GLYR1: variants seen among roughly 807,000 people sequenced by gnomAD.
The protein encoded by GLYR1 is cytokine-like nuclear factor N-PAC.
GLYR1 carries 21 observed loss-of-function variants against 72.7 expected under a neutral mutation model. The ratio of observed to expected loss-of-function variants is 0.29; its 90% confidence interval spans 0.20 to 0.42. GLYR1 has a LOEUF of 0.42. Among genes scored for constraint, GLYR1 ranks in the 10% least tolerant of loss-of-function variants. The pLI is 1.00. For synonymous variants in GLYR1, 392 were observed against 270.2 expected (o/e 1.45, Z -4.42); for missense variants, 594 against 712.1 (o/e 0.83, Z 1.89).
intron 6 of GLYR1, 88 bp from the exon 7 acceptor site, chr16:4,823,019 G>GC (rs1464734688): frequency 9.5e-7 from 1 of 1,047,556 alleles, no homozygotes; most frequent in African/African-American, 1.6e-5. Context: ...TCCTCTGGCT[G>GC]CAACACCTCT....
In GLYR1 at chr16:4,811,657, C is replaced by T. The variant is rs368646886; in HGVS notation, c.1428G>A (p.Gln476=). The part of the protein sequence containing the change: ...QTLLDILNQG[Q]LASIFLDQKC... ...TCTGGTCCAGGAAGATGCTGGCCAA[C>T]TGTCCCTGATTGAGGATGTCCAAGA... Residue 476 remains glutamine (Q), a synonymous_variant, in exon 14 of 16, where the codon CAG becomes CAA. Transcript: ENST00000321919. 25 of 1,614,074 alleles carry T rather than the reference C, an allele frequency of 1.5e-5. 1 individual carries two copies. The South Asian group carries it at 2.4e-4, about 16-fold the overall frequency.
Position 4,805,125 on chromosome 16 carries a change from G to GA in GLYR1, c.*110dup. 1.2e-6 allele frequency: 1 copy of GA among 863,560 alleles called. No homozygotes were observed. The highest frequency in any genetic ancestry group is 1.9e-6 in the Non-Finnish European group (1 of 516,076). 53.5% of individuals were successfully genotyped at this position (863,560 alleles called of 1,614,324 possible). ...GCAAGTCTCAAAGTCTGTATAAAAG[G>GA]AAATGGAGATAGGTGGGCTGGTCCA... On this transcript the variant is annotated 3_prime_UTR_variant, in exon 16 of 16. Transcript: ENST00000321919.
chr16:4,823,986 G>A lies in GLYR1; in HGVS notation c.538-79C>T, dbSNP rs188555979. On this transcript the variant is annotated intron_variant, in intron 5 of 15. Coordinates refer to ENST00000321919, the MANE Select transcript of GLYR1 (RefSeq NM_032569.4). The stretch of plus-strand genomic sequence containing the variant: ...CCCTTGCAAGCTCCACAGTCTAAGG[G>A]AAAGTTCAAGCCAATCCCCAACCAC... 7.4e-3 allele frequency: 8,699 copies of A among 1,178,864 alleles called. 74 individuals carry two copies. Among genetic ancestry groups the A allele is most frequent in the Non-Finnish European group, 7.3e-3 (5,806 of 795,128 alleles). The allele number at this position is 1,178,864 out of a possible 1,614,324, so 73.0% of individuals were successfully genotyped here.
intron 15 of GLYR1, among the ~76,000 whole-genome samples, chr16:4,809,418 C>G (rs772306215): frequency 6.6e-6 from 1 of 150,982 alleles, no homozygotes; most frequent in African/African-American, 2.4e-5. Context: ...TGAGACCATC[C>G]TGGCTAACAC....
intron 14 of GLYR1, 42 bp from the exon 15 acceptor site, chr16:4,811,336 G>A: frequency 6.2e-7 from 1 of 1,609,910 alleles, no homozygotes; most frequent in Admixed American, 1.7e-5. Flanking sequence ...CCAAGGACCT[G>A]AAACTAAAAA....
intron 3 of GLYR1, among the ~76,000 whole-genome samples, chr16:4,835,625 G>T (rs2085080073): frequency 6.6e-6 from 1 of 152,202 alleles, no homozygotes; most frequent in African/African-American, 2.4e-5. Context: ...GAGGTTAGGA[G>T]TTTGAGACCA....
At chr16:4,824,513 AAAG>A (rs1275041430) in intron 5 of GLYR1, among the ~76,000 whole-genome samples, 1 of 151,434 alleles carries the variant, frequency 6.6e-6, no homozygotes, top group African/African-American at 2.4e-5. Flanking sequence ...AAAAAAAAAA[AAAG>A]AAAAAAAAGA....
At chr16:4,844,617 T>C (rs1337992334) in intron 3 of GLYR1, among the ~76,000 whole-genome samples, 2 of 151,980 alleles carry the variant, frequency 1.3e-5, no homozygotes, top group Non-Finnish European at 2.9e-5. Context: ...AAAAATTAGC[T>C]GGGCATGGTG....
intron 4 of GLYR1, 92 bp from the exon 5 acceptor site, chr16:4,832,313 A>C: frequency 2.0e-6 from 3 of 1,489,434 alleles, no homozygotes; most frequent in Non-Finnish European, 2.8e-6. Context: ...TGCTACAGGC[A>C]CTCTGTGTGG....
intron 15 of GLYR1, among the ~76,000 whole-genome samples, chr16:4,809,850 G>A (rs541268837): frequency 3.3e-5 from 5 of 151,896 alleles, no homozygotes; most frequent in Non-Finnish European, 5.9e-5. Context: ...CTTGAACTTG[G>A]GAGGCAGAGG....
intron 15 of GLYR1, 116 bp from the exon 16 acceptor site, chr16:4,805,426 T>C: frequency 3.6e-6 from 3 of 827,036 alleles, no homozygotes; most frequent in Non-Finnish European, 6.1e-6. Context: ...GCCCAGGCTG[T>C]CCGGTTAGGA....
chr16:4,814,177 C>T (rs980661402), intron 11 of GLYR1, among the ~76,000 whole-genome samples: 3 of 151,972 alleles, frequency 2.0e-5, no homozygotes, highest in African/African-American at 4.8e-5. Context: ...AGATGACTAC[C>T]ACACTTGAAC....
chr16:4,846,487 G>C (rs1008259938), intron 1 of GLYR1, among the ~76,000 whole-genome samples: 1 of 152,218 alleles, frequency 6.6e-6, no homozygotes, highest in Admixed American at 6.5e-5. Flanking sequence ...GGGGTGGGAG[G>C]ACAGCTTCCT....
At position 4,823,879 on chromosome 16, in the gene GLYR1, A is replaced by G; in HGVS notation, c.566T>C (p.Val189Ala). 6.2e-7 allele frequency: 1 copy of G among 1,613,884 alleles called. No homozygotes were observed. The highest frequency in any genetic ancestry group is 8.5e-7 in the Non-Finnish European group (1 of 1,179,974). ...CATCGGTCCGGCCATCATCCCCTTC[A>G]CGGTACTAGACTCCGGGATGGTGAG... is the stretch of plus-strand genomic sequence containing the variant. ...KDLTIPESST[V>A]KGMMAGPMAA... The change falls in exon 6 of 16, where the codon GTG becomes GCG. Residue 189 changes from valine (V) to alanine (A), a missense_variant. Transcript: ENST00000321919.
At chr16:4,843,454 C>T (rs1210212972) in intron 3 of GLYR1, 17 of 1,230,908 alleles carry the variant, frequency 1.4e-5, no homozygotes, top group Non-Finnish European at 1.8e-5. Flanking sequence ...CATGCCCGGC[C>T]AAATCTTCTT....
rs1341428302 is a variant in GLYR1 at position 4,803,433 on chromosome 16, C to T, written c.*1803G>A. On this transcript the variant is annotated 3_prime_UTR_variant, in exon 16 of 16. Transcript: ENST00000321919. ...CTTACAAGCTTTTTCACAAGTGTCACATTTTCTCCTTAAAAGGGAAGGATT... is the reference window on the plus strand; with the variant it reads ...CTTACAAGCTTTTTCACAAGTGTCATATTTTCTCCTTAAAAGGGAAGGATT... 6.6e-6 allele frequency: 1 copy of T among 152,620 alleles called. No individual in the cohort carries two copies. The highest frequency in any genetic ancestry group is 6.5e-5 in the Admixed American group (1 of 15,278). The allele number at this position is 152,620 out of a possible 1,614,324, so 9.5% of individuals were successfully genotyped here.
chr16:4,812,615 C>T (rs1438297536), intron 12 of GLYR1, among the ~76,000 whole-genome samples: 1 of 151,700 alleles, frequency 6.6e-6, no homozygotes, highest in Non-Finnish European at 1.5e-5. Flanking sequence ...GCCTCAGCCT[C>T]CCGAGTAACT....
chr16:4,810,322 C>G (rs1004839968), intron 15 of GLYR1, among the ~76,000 whole-genome samples: 70 of 148,724 alleles, frequency 4.7e-4, no homozygotes, highest in Non-Finnish European at 8.2e-4. Context: ...CATGGCAAAA[C>G]CCCATCTCTA....
intron 3 of GLYR1, among the ~76,000 whole-genome samples, chr16:4,844,210 G>A (rs964746098): frequency 2.0e-5 from 3 of 151,734 alleles, no homozygotes; most frequent in Admixed American, 6.6e-5. Flanking sequence ...AGCAACTCAA[G>A]TTAATACAGG....
Sources: gnomAD v4.1 joint callset for allele counts (sites outside exome capture counted in the v4.1 genomes callset) on GRCh38, gnomAD v4.1.1 for gene constraint, MANE v1.5 for transcripts, NCBI Gene and HGNC (gene_info 2026-07-23, HGNC 2026-07-21) for gene names.